PTPRZ1: variants seen among roughly 807,000 people sequenced by gnomAD.
PTPRZ1 encodes the protein protein tyrosine phosphatase receptor type Z1, also known as receptor-type tyrosine-protein phosphatase zeta.
A neutral mutation model predicts 214.1 loss-of-function variants in PTPRZ1; 82 were observed. That is an observed-to-expected ratio of 0.38 (90% CI 0.32 to 0.46). The LOEUF is 0.46. Among genes scored for constraint, PTPRZ1 ranks in the 20% least tolerant of loss-of-function variants. PTPRZ1 has a pLI of 1.00. For synonymous variants in PTPRZ1, 945 were observed against 987.9 expected, an observed-to-expected ratio of 0.96 and a Z score of 0.81; for missense variants, 2,603 against 2,748.7, an observed-to-expected ratio of 0.95 and a Z score of 1.19.
At chr7:121,950,228 T>C (rs1489684385) in intron 2 of PTPRZ1, among the ~76,000 whole-genome samples, 1 of 152,160 alleles carries the variant, frequency 6.6e-6, no homozygotes, top group Non-Finnish European at 1.5e-5. Flanking sequence ...TAGAACAGCA[T>C]AGGAAAGACT....
chr7:121,911,097 C>A (rs1052939762), intron 1 of PTPRZ1, among the ~76,000 whole-genome samples: 4 of 151,994 alleles, frequency 2.6e-5, no homozygotes, highest in African/African-American at 9.7e-5. Context: ...GTTACAAATA[C>A]GAGGATTTTT....
intron 23 of PTPRZ1, among the ~76,000 whole-genome samples, chr7:122,046,980 C>T (rs1643877862): frequency 6.6e-6 from 1 of 152,072 alleles, no homozygotes; most frequent in South Asian, 2.1e-4. Context: ...TATGAATGGC[C>T]AGCCCACAAA....
intron 12 of PTPRZ1, among the ~76,000 whole-genome samples, chr7:122,017,143 CACTT>C (rs1228888444): frequency 6.6e-6 from 1 of 152,156 alleles, no homozygotes; most frequent in Non-Finnish European, 1.5e-5. Context: ...ATTACTGACA[CACTT>C]ACTTTCCATC....
intron 16 of PTPRZ1, 74 bp downstream of exon 16, chr7:122,034,189 A>G (rs1169647628): frequency 5.7e-5 from 89 of 1,563,254 alleles, no homozygotes; most frequent in Non-Finnish European, 7.5e-5. Flanking sequence ...CATTTGATAG[A>G]TTATTTTGTT....
chr7:121,937,850 T>A (rs1055086533), intron 2 of PTPRZ1, among the ~76,000 whole-genome samples: 1 of 152,174 alleles, frequency 6.6e-6, no homozygotes, highest in African/African-American at 2.4e-5. Flanking sequence ...TCTGATCGGA[T>A]TCCATTAATG....
intron 2 of PTPRZ1, among the ~76,000 whole-genome samples, chr7:121,930,155 A>G (rs922922411): frequency 1.2e-4 from 18 of 152,188 alleles, no homozygotes; most frequent in African/African-American, 4.1e-4. Context: ...GGAAGAGTGA[A>G]CAAATTAAGG....
chr7:121,881,046 GA>G (rs1794223446), intron 1 of PTPRZ1, among the ~76,000 whole-genome samples: 1 of 152,130 alleles, frequency 6.6e-6, no homozygotes, highest in African/African-American at 2.4e-5. Flanking sequence ...AATTCATGTT[GA>G]AGCCCTAACC....
rs559737864 is a variant in PTPRZ1 at position 121,922,486 on chromosome 7, C to T, written c.59-5670C>T. On this transcript the variant is annotated intron_variant, in intron 1 of 29. Transcript: ENST00000393386. Reference sequence around the variant, plus strand: ...GCAGAAGGATTGCTTGAACCCAGGGCGTAGGCGTGGGGTGAGGTGCAGAGG... The same window carrying T: ...GCAGAAGGATTGCTTGAACCCAGGGTGTAGGCGTGGGGTGAGGTGCAGAGG... Among the ~76,000 whole-genome samples, 14 of 152,062 alleles carry T rather than the reference C, an allele frequency of 9.2e-5. No homozygotes were observed. The East Asian group carries it at 2.7e-3, about 29-fold the overall frequency.
At chr7:121,881,875 T>A (rs1464324334) in intron 1 of PTPRZ1, among the ~76,000 whole-genome samples, 1 of 152,232 alleles carries the variant, frequency 6.6e-6, no homozygotes, top group African/African-American at 2.4e-5. Flanking sequence ...GTTCATTTCA[T>A]CAATGATACA....
chr7:122,051,402 A>T lies in PTPRZ1; in HGVS notation c.6085-26A>T, dbSNP rs562189086. 8 of 1,555,100 alleles carry T rather than the reference A, an allele frequency of 5.1e-6. No individual in the cohort carries two copies. The African/African-American group carries it at 9.5e-5, about 19-fold the overall frequency. On this transcript the variant is annotated intron_variant, in intron 23 of 29. Transcript: ENST00000393386. ...TTGGGGGACTTAAATGAAATAACCTATATATTTTTTTACTTTCTTGCCCAG... is the reference window on the plus strand; with the variant it reads ...TTGGGGGACTTAAATGAAATAACCTTTATATTTTTTTACTTTCTTGCCCAG...
intron 25 of PTPRZ1, 88 bp downstream of exon 25, chr7:122,052,027 C>A: frequency 2.0e-6 from 2 of 1,021,000 alleles, no homozygotes; most frequent in South Asian, 1.7e-5. Flanking sequence ...AGACTACAGG[C>A]ATGGGCAAAT....
At chr7:122,036,103 A>G (rs1243765822) in intron 17 of PTPRZ1, among the ~76,000 whole-genome samples, 1 of 152,076 alleles carries the variant, frequency 6.6e-6, no homozygotes, top group Non-Finnish European at 1.5e-5. Context: ...GAAACTTCCT[A>G]GGGAACCTTT....
At position 121,950,428 on chromosome 7, in the gene PTPRZ1, C is replaced by T. The variant is rs112703066; in HGVS notation, c.125-17523C>T. Among the ~76,000 whole-genome samples the T allele has an allele frequency of 7.0e-3, 1,063 of 152,264 alleles. 7 individuals are homozygous for T. The highest frequency in any genetic ancestry group is 0.011 in the Non-Finnish European group (740 of 68,020). On this transcript the variant is annotated intron_variant, in intron 2 of 29. Transcript: ENST00000393386. ...TCAGAATTCAACATACTTGATTTGA[C>T]AGAGCATGGAATAGAAACCTGATGC...
At chr7:121,981,210 A>G (rs1041371778) in intron 6 of PTPRZ1, among the ~76,000 whole-genome samples, 2 of 152,118 alleles carry the variant, frequency 1.3e-5, no homozygotes, top group Admixed American at 6.5e-5. Context: ...GGGATTTTCT[A>G]CACTAGCCTA....
At chr7:121,912,553 C>T (rs533580950) in intron 1 of PTPRZ1, among the ~76,000 whole-genome samples, 2 of 152,126 alleles carry the variant, frequency 1.3e-5, no homozygotes, top group South Asian at 4.2e-4. Flanking sequence ...AATATAGATG[C>T]TTAGTGCATT....
chr7:121,983,872 AC>A (rs1797692567), intron 7 of PTPRZ1, 50 bp downstream of exon 7: 1 of 1,595,586 alleles, frequency 6.3e-7, no homozygotes, highest in Non-Finnish European at 8.6e-7. Flanking sequence ...CATTTAAAAA[AC>A]ATTATGTTCT....
chr7:121,951,958 T>A (rs1163607667), intron 2 of PTPRZ1, among the ~76,000 whole-genome samples: 1 of 62,824 alleles, frequency 1.6e-5, no homozygotes, highest in Non-Finnish European at 4.1e-5. Flanking sequence ...TGTATTTATT[T>A]ATTTATTTTT....
chr7:122,046,007 C>T (rs566616084), intron 23 of PTPRZ1, among the ~76,000 whole-genome samples: 53 of 152,250 alleles, frequency 3.5e-4, no homozygotes, highest in African/African-American at 9.6e-4. Context: ...TCAGCAAGTA[C>T]TTATCAGACA....
At chr7:122,038,956 A>G (rs1799632661) in intron 19 of PTPRZ1, 67 bp downstream of exon 19, 1 of 1,563,304 alleles carries the variant, frequency 6.4e-7, no homozygotes, top group African/African-American at 1.4e-5. Flanking sequence ...TAGTTTTAAT[A>G]GAGTCAGCAT....
Sources: gnomAD v4.1 joint callset for allele counts (sites outside exome capture counted in the v4.1 genomes callset) on GRCh38, gnomAD v4.1.1 for gene constraint, MANE v1.5 for transcripts, NCBI Gene and HGNC (gene_info 2026-07-23, HGNC 2026-07-21) for gene names.